The following TRARG1 variants were observed in gnomAD, a reference collection of about 807,000 sequenced individuals.
TRARG1 encodes the protein trafficking regulator of GLUT4 1.
Under a neutral mutation model 13.3 loss-of-function variants are expected in TRARG1, and 16 were observed. The ratio of observed to expected loss-of-function variants is 1.20; its 90% CI spans 0.81 to 1.83. TRARG1 has a LOEUF of 1.83. Among genes scored for constraint, TRARG1 ranks in the 40% most tolerant of loss-of-function variants. The pLI is 0.00. For missense variants in TRARG1, 250 were observed against 237.4 expected (o/e 1.05, Z -0.35); for synonymous variants, 113 against 106.2 (o/e 1.06, Z -0.39).
Position 1,295,574 on chromosome 17 carries a change from C to G in TRARG1, c.471C>G (p.Ile157Met). The G allele has an allele frequency of 6.2e-7, 1 of 1,613,430 alleles. No homozygotes were observed. Among genetic ancestry groups the G allele is most frequent in the Non-Finnish European group, 8.5e-7 (1 of 1,179,826 alleles). Residue 157 changes from isoleucine (I) to methionine (M), a missense_variant, in exon 2 of 3, where the codon ATC (isoleucine) becomes ATG (methionine). Coordinates refer to ENST00000333813, the MANE Select transcript of TRARG1 (RefSeq NM_172367.3). ...RLARLLSITL[I>M]IMGIVIIMVA... ...CTCGGCTGCTCAGCATTACCCTCAT[C>G]ATCATGGGCATCGTCATTATCATGG... is the stretch of plus-strand genomic sequence containing the variant.
intron 1 of TRARG1, 139 bp downstream of exon 1, chr17:1,280,527 C>G: frequency 1.0e-6 from 1 of 957,964 alleles, no homozygotes; most frequent in East Asian, 2.5e-5. Context: ...GACTCCTTTC[C>G]TCACTGGCCT....
intron 1 of TRARG1, among the ~76,000 whole-genome samples, chr17:1,282,223 TGCGTATATGTACGTATATGC>T (rs2071983956): frequency 1.1e-5 from 1 of 93,214 alleles, no homozygotes; most frequent in African/African-American, 5.2e-5. Flanking sequence ...CGTATACACG[TGCGTATATGTACGTATATGC>T]ACGTATATGT....
intron 1 of TRARG1, among the ~76,000 whole-genome samples, chr17:1,283,099 G>A (rs1173412702): frequency 6.6e-6 from 1 of 152,174 alleles, no homozygotes; most frequent in Non-Finnish European, 1.5e-5. Context: ...CCGGCAGGAA[G>A]GAACTCTTAA....
intron 1 of TRARG1, among the ~76,000 whole-genome samples, chr17:1,288,182 A>G (rs753159454): frequency 7.3e-5 from 11 of 151,478 alleles, no homozygotes; most frequent in Non-Finnish European, 1.3e-4. Flanking sequence ...ATTCGCTTCC[A>G]CTGCTGAGCT....
intron 1 of TRARG1, among the ~76,000 whole-genome samples, chr17:1,294,331 A>G (rs572221674): frequency 6.6e-6 from 1 of 152,296 alleles, no homozygotes; most frequent in East Asian, 1.9e-4. Context: ...GCCCCCGTGA[A>G]GCCACATGAC....
intron 1 of TRARG1, among the ~76,000 whole-genome samples, chr17:1,292,219 T>TA (rs55896240): frequency 0.43 from 65,313 of 151,882 alleles, 14,254 homozygotes; most frequent in African/African-American, 0.47. Flanking sequence ...ACAGGAAATG[T>TA]AAGCTGGCCT....
chr17:1,290,295 C>CTTTT (rs2072060657), intron 1 of TRARG1, among the ~76,000 whole-genome samples: 1 of 152,090 alleles, frequency 6.6e-6, no homozygotes, highest in African/African-American at 2.4e-5. Context: ...AGTCAGGGCC[C>CTTTT]TTTTTGTTGT....
chr17:1,279,846 A>G lies in TRARG1; in HGVS notation c.-156A>G. The stretch of plus-strand genomic sequence containing the variant: ...TCAGCTGGCTTGAGAAGCTCAGCCC[A>G]ACCCTTCCAGCACCCAGCCGGCCCT... On this transcript the variant is annotated 5_prime_UTR_variant, in exon 1 of 3. Transcript: ENST00000333813. 7 of 852,626 alleles carry G rather than the reference A, an allele frequency of 8.2e-6. No individual in the cohort carries two copies. In the South Asian group the frequency reaches 1.4e-4, roughly 18 times the overall value. The allele number at this position is 852,626 out of a possible 1,614,324, so 52.8% of individuals were successfully genotyped here.
At chr17:1,290,480 G>A (rs2072061703) in intron 1 of TRARG1, among the ~76,000 whole-genome samples, 1 of 152,074 alleles carries the variant, frequency 6.6e-6, no homozygotes, top group African/African-American at 2.4e-5. Flanking sequence ...ATTTTTTGTA[G>A]AGGTGGGATT....
chr17:1,281,998 A>ACATAT (rs2071977060), intron 1 of TRARG1, among the ~76,000 whole-genome samples: 1 of 151,454 alleles, frequency 6.6e-6, no homozygotes, highest in South Asian at 2.1e-4. Flanking sequence ...ACATATATAC[A>ACATAT]GATATACACA....
chr17:1,289,967 C>T (rs150140226), intron 1 of TRARG1, among the ~76,000 whole-genome samples: 2 of 151,778 alleles, frequency 1.3e-5, no homozygotes, highest in Non-Finnish European at 2.9e-5. Flanking sequence ...CCGGGAACCC[C>T]GGAATCGTCT....
At chr17:1,284,122 A>AAAGAAAG (rs2072003948) in intron 1 of TRARG1, among the ~76,000 whole-genome samples, 2 of 149,404 alleles carry the variant, frequency 1.3e-5, no homozygotes, top group African/African-American at 5.0e-5. Flanking sequence ...CTCAAAAAAA[A>AAAGAAAG]AAAGAAAGAA....
intron 1 of TRARG1, among the ~76,000 whole-genome samples, chr17:1,281,270 G>C (rs960881236): frequency 6.6e-6 from 1 of 152,146 alleles, no homozygotes; most frequent in African/African-American, 2.4e-5. Context: ...TGAAAGGGTG[G>C]GGAGAGGGAG....
Position 1,298,385 on chromosome 17 carries a change from G to C in TRARG1, c.*121G>C. On this transcript the variant is annotated 3_prime_UTR_variant, in exon 3 of 3. Transcript: ENST00000333813. ...CATCCCCTGTCCCCAAGTTCCAAAA[G>C]CACAGACTCAAAGGGAAACCCCCCA... The C allele has an allele frequency of 8.9e-7, 1 of 1,125,088 alleles. No individual in the cohort carries two copies. Among genetic ancestry groups the C allele is most frequent in the Non-Finnish European group, 1.3e-6 (1 of 782,410 alleles). 69.7% of individuals were successfully genotyped at this position (1,125,088 alleles called of 1,614,324 possible).
chr17:1,297,313 C>T (rs539252349), intron 2 of TRARG1, among the ~76,000 whole-genome samples: 14 of 152,158 alleles, frequency 9.2e-5, no homozygotes, highest in Admixed American at 3.3e-4. Flanking sequence ...AGCTTGGGAC[C>T]GAAAGCCTGG....
intron 1 of TRARG1, among the ~76,000 whole-genome samples, chr17:1,282,369 C>T (rs1337574530): frequency 6.7e-6 from 1 of 149,754 alleles, no homozygotes; most frequent in Non-Finnish European, 1.5e-5. Flanking sequence ...TATATATGTA[C>T]GTATATGTAT....
At chr17:1,292,882 G>A (rs532237038) in intron 1 of TRARG1, among the ~76,000 whole-genome samples, 7 of 152,280 alleles carry the variant, frequency 4.6e-5, no homozygotes, top group South Asian at 2.1e-4. Flanking sequence ...ATGCTCCTCC[G>A]CGCTGCTGCG....
intron 1 of TRARG1, among the ~76,000 whole-genome samples, chr17:1,287,136 G>A (rs529822491): frequency 1.3e-5 from 2 of 151,866 alleles, no homozygotes; most frequent in South Asian, 4.2e-4. Context: ...GAGGGTGAGA[G>A]GGAAGTTGGG....
intron 1 of TRARG1, among the ~76,000 whole-genome samples, chr17:1,291,582 G>C (rs1012227995): frequency 6.6e-6 from 1 of 152,160 alleles, no homozygotes; most frequent in African/African-American, 2.4e-5. Context: ...ATGAATTACC[G>C]AGTCTAGGGC....
Sources: allele counts gnomAD v4.1 joint callset (sites outside exome capture counted in the v4.1 genomes callset), GRCh38; gene constraint gnomAD v4.1.1; transcripts MANE v1.5; gene names NCBI Gene and HGNC (gene_info 2026-07-23, HGNC 2026-07-21).